Variants in KCNQ3 observed in about 807,000 individuals in gnomAD.
KCNQ3 encodes potassium voltage-gated channel subfamily KQT member 3.
A neutral mutation model predicts 92.5 loss-of-function variants in KCNQ3; 30 were observed. That is an observed-to-expected ratio of 0.32 (90% CI 0.24 to 0.44). The LOEUF (loss-of-function observed/expected upper bound fraction) is 0.44, where lower values mean the gene tolerates loss of function less well. Ranked by LOEUF, KCNQ3 falls within the 20% of genes least tolerant of loss-of-function variation. The probability of loss-of-function intolerance (pLI) is 1.00; values close to 1 mark genes in which losing one functional copy is unlikely to be tolerated. For synonymous variants in KCNQ3, 450 were observed against 468.8 expected (o/e 0.96, Z 0.52); for missense variants, 913 against 1,140.3 (o/e 0.80, Z 2.87).
At chr8:132,142,708 G>A (rs1216873375) in intron 9 of KCNQ3, among the ~76,000 whole-genome samples, 1 of 152,204 alleles carries the variant, frequency 6.6e-6, no homozygotes, top group Non-Finnish European at 1.5e-5. Flanking sequence ...GAATATGGGT[G>A]ATCAAATCAG....
chr8:132,279,652 C>T (rs1043608414), intron 1 of KCNQ3, among the ~76,000 whole-genome samples: 1 of 152,176 alleles, frequency 6.6e-6, no homozygotes, highest in African/African-American at 2.4e-5. Context: ...TCACACACAT[C>T]AACAGATACA....
At chr8:132,279,043 C>G (rs138985123) in intron 1 of KCNQ3, among the ~76,000 whole-genome samples, 1 of 151,984 alleles carries the variant, frequency 6.6e-6, no homozygotes, top group Non-Finnish European at 1.5e-5. Flanking sequence ...TGATGAAACC[C>G]CGTCTCTACT....
At chr8:132,349,454 T>G (rs542805350) in intron 1 of KCNQ3, among the ~76,000 whole-genome samples, 1 of 152,356 alleles carries the variant, frequency 6.6e-6, no homozygotes, top group East Asian at 1.9e-4. Context: ...TCTGCTGTAC[T>G]TGGTGACTCA....
At chr8:132,339,887 A>G (rs1324387647) in intron 1 of KCNQ3, among the ~76,000 whole-genome samples, 2 of 151,936 alleles carry the variant, frequency 1.3e-5, no homozygotes, top group Non-Finnish European at 2.9e-5. Flanking sequence ...ACCCAAACCT[A>G]TGAGGACATC....
At chr8:132,243,311 TCTC>T (rs1815053901) in intron 1 of KCNQ3, among the ~76,000 whole-genome samples, 1 of 152,174 alleles carries the variant, frequency 6.6e-6, no homozygotes, top group Non-Finnish European at 1.5e-5. Context: ...GAGTCTCTAG[TCTC>T]ACTACTGACA....
intron 1 of KCNQ3, among the ~76,000 whole-genome samples, chr8:132,314,430 C>A (rs1240063601): frequency 6.6e-6 from 1 of 152,094 alleles, no homozygotes; most frequent in Non-Finnish European, 1.5e-5. Context: ...TAATTCCTAA[C>A]AAAACCCAAA....
At chr8:132,396,104 G>A (rs1419657530) in intron 1 of KCNQ3, among the ~76,000 whole-genome samples, 2 of 152,218 alleles carry the variant, frequency 1.3e-5, no homozygotes, top group African/African-American at 4.8e-5. Flanking sequence ...AGATGGCGCA[G>A]GAGAGGCCCT....
intron 6 of KCNQ3, 115 bp downstream of exon 6, chr8:132,174,124 A>G (rs1826470061): frequency 2.6e-6 from 2 of 772,016 alleles, no homozygotes; most frequent in Non-Finnish European, 4.5e-6. Context: ...GGGAATGGCT[A>G]GGGAGTTGGT....
intron 1 of KCNQ3, among the ~76,000 whole-genome samples, chr8:132,235,270 T>TG (rs34137132): frequency 0.099 from 11,374 of 114,700 alleles, 538 homozygotes; most frequent in South Asian, 0.22. Context: ...AGGCCAAGGG[T>TG]GGGGGGGGAA....
intron 1 of KCNQ3, among the ~76,000 whole-genome samples, chr8:132,459,369 C>G (rs1822011202): frequency 6.6e-6 from 1 of 152,182 alleles, no homozygotes. Context: ...GTGTCAGCAT[C>G]TGCATCCAGT....
intron 1 of KCNQ3, among the ~76,000 whole-genome samples, chr8:132,247,054 C>CA (rs1213536834): frequency 2.0e-5 from 3 of 152,190 alleles, no homozygotes; most frequent in Non-Finnish European, 4.4e-5. Context: ...GTCTCTCTAT[C>CA]AAAGACAAGC....
rs1008075309 is a variant in KCNQ3 at position 132,128,209 on chromosome 8, C to T, written c.*1053G>A. 3.3e-5 allele frequency: 5 copies of T among 152,150 alleles called. No homozygotes were observed. The highest frequency in any genetic ancestry group is 6.5e-5 in the Admixed American group (1 of 15,276). 9.4% of individuals were successfully genotyped at this position (152,150 alleles called of 1,614,324 possible). A position where few individuals can be genotyped will look rare whatever the true frequency, so the allele number is the denominator to read the frequency against. ...GGTCAGGGAGAGTGGGCAGACCTGACTTTTGAGTCCTGGTTCTCTATGGGA... is the reference window on the plus strand; with the variant it reads ...GGTCAGGGAGAGTGGGCAGACCTGATTTTTGAGTCCTGGTTCTCTATGGGA... On this transcript the variant is annotated 3_prime_UTR_variant, in exon 15 of 15. Coordinates refer to ENST00000388996, the MANE Select transcript of KCNQ3 (RefSeq NM_004519.4).
At chr8:132,384,193 C>A (rs1819833906) in intron 1 of KCNQ3, among the ~76,000 whole-genome samples, 3 of 152,174 alleles carry the variant, frequency 2.0e-5, no homozygotes, top group Admixed American at 2.0e-4. Context: ...CACAACACTG[C>A]ATTTTGTGTT....
chr8:132,279,737 CACAA>C (rs1346596392), intron 1 of KCNQ3, among the ~76,000 whole-genome samples: 4 of 152,090 alleles, frequency 2.6e-5, no homozygotes, highest in East Asian at 1.9e-4. Flanking sequence ...TGCATGTAAA[CACAA>C]ACACACATCT....
intron 9 of KCNQ3, 112 bp downstream of exon 9, chr8:132,163,356 G>A: frequency 1.1e-6 from 1 of 890,978 alleles, no homozygotes; most frequent in Non-Finnish European, 1.9e-6. Context: ...TGACCCCAAA[G>A]ACTCTATCTT....
intron 1 of KCNQ3, among the ~76,000 whole-genome samples, chr8:132,357,037 A>AAC (rs1388718273): frequency 7.9e-4 from 110 of 138,740 alleles, no homozygotes; most frequent in Non-Finnish European, 9.3e-5. Context: ...ACAACAACAA[A>AAC]AACTAAGGGC....
intron 1 of KCNQ3, among the ~76,000 whole-genome samples, chr8:132,329,637 C>T (rs771491466): frequency 3.9e-5 from 6 of 152,210 alleles, no homozygotes; most frequent in South Asian, 2.1e-4. Flanking sequence ...CTCTAACTAA[C>T]CATGCCAAGC....
chr8:132,126,862 C>G lies in KCNQ3; in HGVS notation c.*2400G>C, dbSNP rs1824687239. The G allele has an allele frequency of 6.6e-6, 1 of 152,140 alleles. No individual in the cohort carries two copies. The highest frequency in any genetic ancestry group is 2.1e-4 in the South Asian group (1 of 4,820). 9.4% of individuals were successfully genotyped at this position (152,140 alleles called of 1,614,324 possible). A position where few individuals can be genotyped will look rare whatever the true frequency, so the allele number is the denominator to read the frequency against. ...ATTGAGTTGCTGGAAAATGCATCAT[C>G]TATTGGTAAAATACTTAAGATAGTA... On this transcript the variant is annotated 3_prime_UTR_variant, in exon 15 of 15. Transcript: ENST00000388996.
At chr8:132,185,164 G>A (rs947845382) in intron 2 of KCNQ3, among the ~76,000 whole-genome samples, 1 of 152,210 alleles carries the variant, frequency 6.6e-6, no homozygotes, top group African/African-American at 2.4e-5. Context: ...TCTGAGCTCT[G>A]GGACGTGCTG....
Sources: allele counts gnomAD v4.1 joint callset (sites outside exome capture counted in the v4.1 genomes callset), GRCh38; gene constraint gnomAD v4.1.1; transcripts MANE v1.5; gene names NCBI Gene and HGNC (gene_info 2026-07-23, HGNC 2026-07-21).